RAB3C: variants seen among roughly 807,000 people sequenced by gnomAD.
The protein encoded by RAB3C is ras-related protein Rab-3C.
RAB3C carries 17 observed loss-of-function variants against 26.4 expected under a neutral mutation model. The observed-to-expected ratio is 0.64, with a 90% CI of 0.44 to 0.97. The LOEUF is 0.97. Among genes scored for constraint, RAB3C ranks in the 50% least tolerant of loss-of-function variants. The probability of loss-of-function intolerance (pLI) is 0.00; values close to 1 mark genes in which losing one functional copy is unlikely to be tolerated. For missense variants in RAB3C, 242 were observed against 281.9 expected (o/e 0.86, Z 1.01); for synonymous variants, 91 against 95.9 (o/e 0.95, Z 0.30).
At chr5:58,623,667 T>G (rs956837744) in intron 2 of RAB3C, among the ~76,000 whole-genome samples, 1 of 152,242 alleles carries the variant, frequency 6.6e-6, no homozygotes, top group Non-Finnish European at 1.5e-5. Flanking sequence ...TTAACCACTC[T>G]TCTCAGCATT....
intron 1 of RAB3C, among the ~76,000 whole-genome samples, chr5:58,603,351 T>C (rs1359633689): frequency 6.6e-6 from 1 of 152,198 alleles, no homozygotes; most frequent in Non-Finnish European, 1.5e-5. Flanking sequence ...TGTATTTGAA[T>C]GTCTAGATCT....
intron 2 of RAB3C, among the ~76,000 whole-genome samples, chr5:58,691,876 T>G (rs1003062324): frequency 6.6e-6 from 1 of 152,246 alleles, no homozygotes; most frequent in Non-Finnish European, 1.5e-5. Context: ...GGTCTTCTTG[T>G]TCTTTAATCA....
intron 3 of RAB3C, among the ~76,000 whole-genome samples, chr5:58,737,109 A>G (rs113940259): frequency 7.2e-5 from 11 of 151,948 alleles, no homozygotes; most frequent in African/African-American, 2.2e-4. Flanking sequence ...TCTTCTCCAC[A>G]TGCCACCAAG....
intron 2 of RAB3C, among the ~76,000 whole-genome samples, chr5:58,677,087 T>C (rs1433699847): frequency 6.6e-6 from 1 of 152,182 alleles, no homozygotes; most frequent in Admixed American, 6.5e-5. Flanking sequence ...CTCGCTTCTG[T>C]TATTCTGTGG....
chr5:58,656,113 G>A (rs1201098385), intron 2 of RAB3C, among the ~76,000 whole-genome samples: 1 of 152,100 alleles, frequency 6.6e-6, no homozygotes, highest in Non-Finnish European at 1.5e-5. Context: ...TGGTTGATAA[G>A]AGGCACACCA....
At chr5:58,633,048 T>A (rs1291211650) in intron 2 of RAB3C, among the ~76,000 whole-genome samples, 5 of 152,252 alleles carry the variant, frequency 3.3e-5, no homozygotes, top group African/African-American at 1.2e-4. Flanking sequence ...CTTTTTGGCA[T>A]TTCCCACAGT....
chr5:58,594,851 CTTT>C (rs368470766), intron 1 of RAB3C, among the ~76,000 whole-genome samples: 6 of 133,184 alleles, frequency 4.5e-5, no homozygotes, highest in Admixed American at 7.7e-5. Flanking sequence ...AACATGTAGG[CTTT>C]TTTTTTTTTT....
intron 3 of RAB3C, among the ~76,000 whole-genome samples, chr5:58,788,916 A>G (rs559527683): frequency 6.6e-6 from 1 of 152,280 alleles, no homozygotes; most frequent in East Asian, 1.9e-4. Flanking sequence ...GTTTTGTGAA[A>G]TATCTGCAAA....
Position 58,725,101 on chromosome 5 carries a change from A to C in RAB3C, c.253-901A>C, listed in dbSNP as rs542252411. On this transcript the variant is annotated intron_variant, in intron 2 of 4. Coordinates refer to ENST00000282878, the MANE Select transcript of RAB3C (RefSeq NM_138453.4). ...GTTTTCAAATTGAAGAACTCCCTTT[A>C]GCATTTGTAGATGGGTCTGGTGGTG... 2.0e-4 allele frequency among the ~76,000 whole-genome samples: 30 copies of C among 152,008 alleles called. No homozygotes were observed. The South Asian group carries it at 5.0e-3, about 25-fold the overall frequency.
rs557601010 is a variant in RAB3C at position 58,857,674 on chromosome 5, T to C, written c.*6323T>C. The C allele has an allele frequency of 6.6e-6, 1 of 152,316 alleles. No individual in the cohort carries two copies. The highest frequency in any genetic ancestry group is 2.1e-4 in the South Asian group (1 of 4,828). The allele number at this position is 152,316 out of a possible 1,614,324, so 9.4% of individuals were successfully genotyped here. A position where few individuals can be genotyped will look rare whatever the true frequency, so the allele number is the denominator to read the frequency against. The stretch of plus-strand genomic sequence containing the variant: ...GAATTCTAAAATACCAATGTATTTT[T>C]AGGTTGTAGCTAATGTTGTATTCAC... On this transcript the variant is annotated 3_prime_UTR_variant, in exon 5 of 5. Coordinates refer to ENST00000282878, the MANE Select transcript of RAB3C (RefSeq NM_138453.4).
At chr5:58,785,224 T>C (rs948736471) in intron 3 of RAB3C, among the ~76,000 whole-genome samples, 20 of 152,190 alleles carry the variant, frequency 1.3e-4, no homozygotes, top group African/African-American at 4.6e-4. Context: ...TCTACGGCAT[T>C]TTAAAAGCAA....
At position 58,855,719 on chromosome 5, in the gene RAB3C, C is replaced by A. The variant is rs1307809414; in HGVS notation, c.*4368C>A. On this transcript the variant is annotated 3_prime_UTR_variant, in exon 5 of 5. Transcript: ENST00000282878. ...ACCAAAGTCAATTAAAGACATAAAC[C>A]TGTTTTATATCATGGAATTTACTGG... 2 of 152,098 alleles carry A rather than the reference C, an allele frequency of 1.3e-5. No homozygotes were observed. The highest frequency in any genetic ancestry group is 2.9e-5 in the Non-Finnish European group (2 of 68,014). The allele number at this position is 152,098 out of a possible 1,614,324, so 9.4% of individuals were successfully genotyped here. A position where few individuals can be genotyped will look rare whatever the true frequency, so the allele number is the denominator to read the frequency against.
intron 3 of RAB3C, among the ~76,000 whole-genome samples, chr5:58,743,350 C>T (rs1012168404): frequency 2.0e-5 from 3 of 151,872 alleles, no homozygotes; most frequent in Non-Finnish European, 1.5e-5. Flanking sequence ...TCTTCTATGC[C>T]AATTCAGTCA....
intron 3 of RAB3C, among the ~76,000 whole-genome samples, chr5:58,755,087 C>A (rs868364147): frequency 6.6e-6 from 1 of 152,148 alleles, no homozygotes; most frequent in South Asian, 2.1e-4. Flanking sequence ...ACTTATTCAA[C>A]AACTCCAAAA....
chr5:58,754,193 G>C (rs1741595765), intron 3 of RAB3C, among the ~76,000 whole-genome samples: 1 of 152,126 alleles, frequency 6.6e-6, no homozygotes, highest in South Asian at 2.1e-4. Flanking sequence ...ATAATTCACT[G>C]TCTCTCTCCC....
At chr5:58,764,105 T>C (rs1387259140) in intron 3 of RAB3C, among the ~76,000 whole-genome samples, 1 of 152,208 alleles carries the variant, frequency 6.6e-6, no homozygotes, top group Non-Finnish European at 1.5e-5. Context: ...AATTTTGATA[T>C]CTTTTTGTGG....
In RAB3C at chr5:58,749,667, T is replaced by C. The variant is rs569146884; in HGVS notation, c.371+23547T>C. Among the ~76,000 whole-genome samples, 3 of 152,342 alleles carry C rather than the reference T, an allele frequency of 2.0e-5. No individual in the cohort carries two copies. The South Asian group carries it at 6.2e-4, about 32-fold the overall frequency. On this transcript the variant is annotated intron_variant, in intron 3 of 4. Coordinates refer to ENST00000282878, the MANE Select transcript of RAB3C (RefSeq NM_138453.4). ...TACAAAGAAGATAGAATATTACTTT[T>C]AATATAAATGTAATGGTTTGTCATA... is the stretch of plus-strand genomic sequence containing the variant.
At chr5:58,833,679 A>C (rs1468823166) in intron 4 of RAB3C, among the ~76,000 whole-genome samples, 2 of 152,224 alleles carry the variant, frequency 1.3e-5, no homozygotes, top group East Asian at 3.8e-4. Flanking sequence ...AAAGTCAGAG[A>C]GTAGAGAGTC....
chr5:58,660,314 G>A (rs558450311), intron 2 of RAB3C, among the ~76,000 whole-genome samples: 1 of 150,028 alleles, frequency 6.7e-6, no homozygotes, highest in African/African-American at 2.5e-5. Flanking sequence ...AAAAGTAAAA[G>A]ATGAAATAGT....
Sources: allele counts gnomAD v4.1 joint callset (sites outside exome capture counted in the v4.1 genomes callset), GRCh38; gene constraint gnomAD v4.1.1; transcripts MANE v1.5; gene names NCBI Gene and HGNC (gene_info 2026-07-23, HGNC 2026-07-21).